Variants in SCML4 observed in about 807,000 individuals in gnomAD.
SCML4 encodes the protein Scm polycomb group protein like 4, also known as sex comb on midleg-like protein 4.
Under a neutral mutation model 41.1 loss-of-function variants are expected in SCML4, and 34 were observed. The ratio of observed to expected loss-of-function variants is 0.83; its 90% CI spans 0.63 to 1.10. SCML4 has a LOEUF of 1.10. Ranked by LOEUF, SCML4 falls within the 50% of genes least tolerant of loss-of-function variation. The pLI is 0.00. For synonymous variants in SCML4, 214 were observed against 220.9 expected, an observed-to-expected ratio of 0.97 and a Z score of 0.28; for missense variants, 522 against 534.1, an observed-to-expected ratio of 0.98 and a Z score of 0.22.
chr6:107,742,168 A>G (rs537783237), intron 5 of SCML4, among the ~76,000 whole-genome samples: 2 of 152,360 alleles, frequency 1.3e-5, no homozygotes, highest in Admixed American at 6.5e-5. Flanking sequence ...GAGACTCTCA[A>G]TAGTGAAGTA....
At chr6:107,714,498 A>C (rs947733561) in intron 6 of SCML4, among the ~76,000 whole-genome samples, 1 of 152,176 alleles carries the variant, frequency 6.6e-6, no homozygotes, top group African/African-American at 2.4e-5. Flanking sequence ...CCCTGACAGC[A>C]ATCATCACAA....
the SCML4 span, among the ~76,000 whole-genome samples, chr6:107,842,513 T>C: frequency 2.0e-5 from 3 of 152,226 alleles, no homozygotes; most frequent in African/African-American, 2.4e-5. Flanking sequence ...TTCTCCTGCC[T>C]CAGCTTCCCA....
chr6:107,831,140 C>T, the SCML4 span, among the ~76,000 whole-genome samples: 9 of 151,884 alleles, frequency 5.9e-5, no homozygotes, highest in Middle Eastern at 6.8e-3. Flanking sequence ...AGTGGTGTAA[C>T]GGGGAAAAGG....
At chr6:107,807,547 G>A (rs1286122945) in intron 1 of SCML4, among the ~76,000 whole-genome samples, 1 of 152,216 alleles carries the variant, frequency 6.6e-6, no homozygotes, top group Non-Finnish European at 1.5e-5. Context: ...TCATTGCTCA[G>A]GGGTTACAAA....
At chr6:107,805,115 A>AG (rs1416404402) in intron 1 of SCML4, among the ~76,000 whole-genome samples, 1 of 152,186 alleles carries the variant, frequency 6.6e-6, no homozygotes, top group Non-Finnish European at 1.5e-5. Flanking sequence ...GGAAGCAAAA[A>AG]GAGGGATCAG....
chr6:107,720,626 T>C, intron 6 of SCML4, 77 bp downstream of exon 6: 3 of 1,452,464 alleles, frequency 2.1e-6, no homozygotes, highest in Non-Finnish European at 2.7e-6. Flanking sequence ...ACACTCCCCC[T>C]TCCCCAGATG....
chr6:107,702,222 CA>C lies in SCML4; in HGVS notation c.*2977del, dbSNP rs1413876511. 3.3e-5 allele frequency among the ~76,000 whole-genome samples: 5 copies of C among 152,200 alleles called. No homozygotes were observed. The highest frequency in any genetic ancestry group is 7.3e-5 in the Non-Finnish European group (5 of 68,040). ...TTTTAAAAAGTCAAACCTTAAATAT[CA>C]TGGCTTCAGCAATCTGTCCTGCTTA... On this transcript the variant is annotated 3_prime_UTR_variant, in exon 8 of 8. Coordinates refer to ENST00000369020, the MANE Select transcript of SCML4 (RefSeq NM_198081.5).
intron 5 of SCML4, among the ~76,000 whole-genome samples, chr6:107,734,701 A>G (rs79957439): frequency 0.017 from 2,515 of 152,316 alleles, 61 homozygotes; most frequent in African/African-American, 0.057. Context: ...GAATTTACAT[A>G]GGCACATGGG....
At chr6:107,712,850 G>A (rs1199227633) in intron 6 of SCML4, among the ~76,000 whole-genome samples, 1 of 152,222 alleles carries the variant, frequency 6.6e-6, no homozygotes, top group South Asian at 2.1e-4. Flanking sequence ...GCTGCAGCAG[G>A]CAGATGTGAT....
At chr6:107,773,656 G>A (rs983253034) in intron 1 of SCML4, among the ~76,000 whole-genome samples, 43 of 151,250 alleles carry the variant, frequency 2.8e-4, no homozygotes, top group Non-Finnish European at 5.6e-4. Context: ...TGAAGCAAGA[G>A]GTAGTTGATC....
chr6:107,837,218 G>C, the SCML4 span, among the ~76,000 whole-genome samples: 1 of 152,192 alleles, frequency 6.6e-6, no homozygotes, highest in Admixed American at 6.5e-5. Flanking sequence ...TCTGCATTGA[G>C]AGGCAATGGT....
the SCML4 span, among the ~76,000 whole-genome samples, chr6:107,835,782 A>AAG: frequency 1.3e-5 from 2 of 151,486 alleles, no homozygotes; most frequent in Admixed American, 6.6e-5. Flanking sequence ...AAAAAAAAAA[A>AAG]AGAGAGAGCA....
the SCML4 span, among the ~76,000 whole-genome samples, chr6:107,839,249 G>A: frequency 2.8e-4 from 43 of 151,488 alleles, no homozygotes; most frequent in Admixed American, 1.1e-3. Flanking sequence ...AGCCATGATC[G>A]TACCACTGCA....
At chr6:107,728,544 G>A (rs182947162) in intron 5 of SCML4, among the ~76,000 whole-genome samples, 1 of 152,172 alleles carries the variant, frequency 6.6e-6, no homozygotes, top group Non-Finnish European at 1.5e-5. Flanking sequence ...AGGAGGTGGA[G>A]GTTGCAGTGA....
At chr6:107,753,391 G>C (rs764583215) in intron 2 of SCML4, among the ~76,000 whole-genome samples, 18 of 152,268 alleles carry the variant, frequency 1.2e-4, no homozygotes, top group Non-Finnish European at 2.5e-4. Flanking sequence ...CACGTTCACG[G>C]CAACACTATT....
chr6:107,748,750 G>A (rs1019805106), intron 3 of SCML4, among the ~76,000 whole-genome samples: 2 of 152,248 alleles, frequency 1.3e-5, no homozygotes, highest in African/African-American at 4.8e-5. Context: ...GAGCTGATGT[G>A]AGACCATGTG....
chr6:107,797,291 G>T (rs1010098423), intron 1 of SCML4, among the ~76,000 whole-genome samples: 2 of 152,042 alleles, frequency 1.3e-5, no homozygotes, highest in East Asian at 3.8e-4. Context: ...ATTTACTTAA[G>T]ACTTCTTGAG....
chr6:107,705,085 T>C lies in SCML4; in HGVS notation c.*115A>G. 1 of 954,060 alleles carries C rather than the reference T, an allele frequency of 1.0e-6. No individual in the cohort carries two copies. The highest frequency in any genetic ancestry group is 1.6e-6 in the Non-Finnish European group (1 of 613,384). The allele number at this position is 954,060 out of a possible 1,614,324, so 59.1% of individuals were successfully genotyped here. ...GTTTTATAAAAAGACCACGTCTCTGTGGCTGTTAATTTTAAGAGGAGAGTC... is the reference window on the plus strand; with the variant it reads ...GTTTTATAAAAAGACCACGTCTCTGCGGCTGTTAATTTTAAGAGGAGAGTC... On this transcript the variant is annotated 3_prime_UTR_variant, in exon 8 of 8. Coordinates refer to ENST00000369020, the MANE Select transcript of SCML4 (RefSeq NM_198081.5).
At chr6:107,832,521 C>T in the SCML4 span, among the ~76,000 whole-genome samples, 1 of 152,316 alleles carries the variant, frequency 6.6e-6, no homozygotes, top group South Asian at 2.1e-4. Context: ...ATCTCCTTGG[C>T]TGGAATTGGG....
Sources: allele counts gnomAD v4.1 joint callset (sites outside exome capture counted in the v4.1 genomes callset), GRCh38; gene constraint gnomAD v4.1.1; transcripts MANE v1.5; gene names NCBI Gene and HGNC (gene_info 2026-07-23, HGNC 2026-07-21).